FMN2: variants seen among roughly 807,000 people sequenced by gnomAD.
FMN2 encodes the protein formin 2, also known as formin-2.
A neutral mutation model predicts 142.3 loss-of-function variants in FMN2; 51 were observed. The ratio of observed to expected loss-of-function variants is 0.36; its 90% CI spans 0.29 to 0.45. The LOEUF is 0.45. Among genes scored for constraint, FMN2 ranks in the 20% least tolerant of loss-of-function variants. The pLI, the probability that FMN2 is intolerant of heterozygous loss-of-function variation, is 1.00. For missense variants in FMN2, 1,936 were observed against 2,122.8 expected (o/e 0.91, Z 1.73); for synonymous variants, 882 against 869.8 (o/e 1.01, Z -0.25).
chr1:240,303,922 G>C (rs1282350076), intron 8 of FMN2, among the ~76,000 whole-genome samples: 1 of 151,708 alleles, frequency 6.6e-6, no homozygotes, highest in Non-Finnish European at 1.5e-5. Flanking sequence ...TCATTCTTTT[G>C]CTTCCTCAAA....
At chr1:240,342,002 G>A (rs74939924) in intron 13 of FMN2, among the ~76,000 whole-genome samples, 2 of 152,268 alleles carry the variant, frequency 1.3e-5, no homozygotes, top group East Asian at 3.9e-4. Flanking sequence ...CCAGTAGAGA[G>A]ACTGGTTCCT....
intron 1 of FMN2, among the ~76,000 whole-genome samples, chr1:240,114,652 A>ATTTGTTTTTTTTTTT: frequency 7.3e-6 from 1 of 137,778 alleles, no homozygotes; most frequent in Non-Finnish European, 1.6e-5. Flanking sequence ...TAATTATATC[A>ATTTGTTTTTTTTTTT]TTTCTTTTTT....
At chr1:240,422,901 A>G (rs1572291835) in intron 15 of FMN2, among the ~76,000 whole-genome samples, 1 of 152,100 alleles carries the variant, frequency 6.6e-6, no homozygotes, top group Non-Finnish European at 1.5e-5. Flanking sequence ...TGTCACTTAG[A>G]TTTTCAAACT....
intron 8 of FMN2, among the ~76,000 whole-genome samples, chr1:240,314,018 C>T (rs931624453): frequency 1.3e-5 from 2 of 152,144 alleles, no homozygotes; most frequent in East Asian, 1.9e-4. Context: ...AAATATTTAA[C>T]GTGTACATTT....
At chr1:240,100,999 T>G (rs1419591883) in intron 1 of FMN2, among the ~76,000 whole-genome samples, 2 of 152,214 alleles carry the variant, frequency 1.3e-5, no homozygotes, top group Non-Finnish European at 2.9e-5. Flanking sequence ...GAAGAAATTC[T>G]GTGTCATTTA....
chr1:240,144,412 G>A, intron 2 of FMN2: 3 of 1,605,084 alleles, frequency 1.9e-6, no homozygotes, highest in Non-Finnish European at 2.6e-6. Context: ...GCTGTACATT[G>A]GACATGATCT....
intron 6 of FMN2, among the ~76,000 whole-genome samples, chr1:240,246,218 C>G (rs567968526): frequency 6.6e-6 from 1 of 152,274 alleles, no homozygotes; most frequent in South Asian, 2.1e-4. Flanking sequence ...AAGTAGAGGG[C>G]CAGCCAGCCT....
Position 240,301,520 on chromosome 1 carries a change from A to G in FMN2, c.4215+6637A>G, listed in dbSNP as rs148997763. On this transcript the variant is annotated intron_variant, in intron 8 of 17. Coordinates refer to ENST00000319653, the MANE Select transcript of FMN2 (RefSeq NM_020066.5). Reference sequence around the variant, plus strand: ...TCGTTTTTCTTTAGCCTAAGGAAGTATCTGTAGTGTATTTTGAAAACACAT... The same window carrying G: ...TCGTTTTTCTTTAGCCTAAGGAAGTGTCTGTAGTGTATTTTGAAAACACAT... Among the ~76,000 whole-genome samples the G allele has an allele frequency of 6.7e-3, 1,016 of 151,996 alleles. 8 individuals carry two copies. Among genetic ancestry groups the G allele is most frequent in the African/African-American group, 0.023 (971 of 41,532 alleles).
Position 240,333,869 on chromosome 1 carries a change from T to A in FMN2, c.4585-18T>A, listed in dbSNP as rs370186021. 30 of 1,578,662 alleles carry A rather than the reference T, an allele frequency of 1.9e-5. No individual in the cohort carries two copies. The highest frequency in any genetic ancestry group is 2.4e-5 in the Non-Finnish European group (28 of 1,165,650). On this transcript the variant is annotated intron_variant, in intron 11 of 17. Transcript: ENST00000319653. ...AGTTAAAAAATATATTGTCACTGAC[T>A]TTGGTCTTTCTGCCTAGGACAATAG...
chr1:240,222,059 A>G (rs1323400862), intron 6 of FMN2, among the ~76,000 whole-genome samples: 3 of 144,828 alleles, frequency 2.1e-5, no homozygotes, highest in South Asian at 2.2e-4. Context: ...GGGTTTCACT[A>G]TGATGGCCAG....
intron 7 of FMN2, among the ~76,000 whole-genome samples, chr1:240,289,464 T>G (rs1669702160): frequency 6.6e-6 from 1 of 151,964 alleles, no homozygotes; most frequent in Admixed American, 6.6e-5. Context: ...GGCCAGGAGT[T>G]CAAGACCGGC....
chr1:240,369,544 T>C (rs1044280602), intron 14 of FMN2, among the ~76,000 whole-genome samples: 22 of 152,332 alleles, frequency 1.4e-4, no homozygotes, highest in African/African-American at 4.8e-4. Context: ...TGCTTTGGTG[T>C]GAACTCCGGA....
chr1:240,472,387 AG>A lies in FMN2; in HGVS notation c.5077del (p.Glu1693ArgfsTer14). On this transcript the variant is annotated frameshift_variant, in exon 17 of 18. Transcript: ENST00000319653. LOFTEE classifies it high-confidence loss of function. ...TCCCCATCAGAGTAAAAGAAGCCGA[AG>A]AGGTGTGTAGACAGAAGAAAGGAAA... ...LLQERVKEAE[E>X]VCRQKKGKSL... 6.2e-7 allele frequency: 1 copy of A among 1,612,134 alleles called. No homozygotes were observed. The highest frequency in any genetic ancestry group is 8.5e-7 in the Non-Finnish European group (1 of 1,179,350).
chr1:240,144,015 C>T lies in FMN2; in HGVS notation c.1782+20670C>T, dbSNP rs1663314841. The stretch of plus-strand genomic sequence containing the variant: ...AGAGCAGGGACACACTCATTCCAGA[C>T]CCCAGAGTTCACTATGCCACAGGCA... On this transcript the variant is annotated intron_variant, in intron 2 of 17. Transcript: ENST00000319653. 4 of 1,170,694 alleles carry T rather than the reference C, an allele frequency of 3.4e-6. No individual in the cohort carries two copies. The African/African-American group carries it at 4.5e-5, about 13-fold the overall frequency. 72.5% of individuals were successfully genotyped at this position (1,170,694 alleles called of 1,614,324 possible).
At chr1:240,408,252 A>G (rs1424080156) in intron 15 of FMN2, among the ~76,000 whole-genome samples, 2 of 152,216 alleles carry the variant, frequency 1.3e-5, no homozygotes, top group Admixed American at 6.5e-5. Context: ...GATATTTGAC[A>G]TAGTTTTCAA....
intron 2 of FMN2, among the ~76,000 whole-genome samples, chr1:240,125,319 T>C (rs1242074083): frequency 6.6e-6 from 1 of 152,254 alleles, no homozygotes; most frequent in Non-Finnish European, 1.5e-5. Flanking sequence ...CTGAGATTTG[T>C]TTACATTTTT....
At chr1:240,266,299 G>T (rs1448045521) in intron 7 of FMN2, among the ~76,000 whole-genome samples, 1 of 151,662 alleles carries the variant, frequency 6.6e-6, no homozygotes, top group Non-Finnish European at 1.5e-5. Flanking sequence ...TTTTTGGGGG[G>T]GTCCAGTTTC....
intron 6 of FMN2, among the ~76,000 whole-genome samples, chr1:240,237,909 T>C (rs1422802498): frequency 6.6e-6 from 1 of 152,200 alleles, no homozygotes; most frequent in African/African-American, 2.4e-5. Flanking sequence ...ACTTTCATAA[T>C]CCCAAATAGC....
chr1:240,274,077 A>G (rs932921633), intron 7 of FMN2, among the ~76,000 whole-genome samples: 4 of 152,138 alleles, frequency 2.6e-5, no homozygotes, highest in Non-Finnish European at 5.9e-5. Context: ...ATGCTTCAGC[A>G]TTCACTCAAC....
Sources: allele counts gnomAD v4.1 joint callset (sites outside exome capture counted in the v4.1 genomes callset), GRCh38; gene constraint gnomAD v4.1.1; transcripts MANE v1.5; gene names NCBI Gene and HGNC (gene_info 2026-07-23, HGNC 2026-07-21).